The following LCT variants were observed in gnomAD, a reference collection of about 807,000 sequenced individuals.
LCT encodes the protein lactase/phlorizin hydrolase.
Under a neutral mutation model 173.0 loss-of-function variants are expected in LCT, and 90 were observed. The ratio of observed to expected loss-of-function variants is 0.52; its 90% CI spans 0.44 to 0.62. The LOEUF (loss-of-function observed/expected upper bound fraction) is 0.62, where lower values mean the gene tolerates loss of function less well. Ranked by LOEUF, LCT falls within the 20% of genes least tolerant of loss-of-function variation. LCT has a pLI of 0.00. For missense variants in LCT, 1,864 were observed against 2,431.4 expected, an observed-to-expected ratio of 0.77 and a Z score of 4.91; for synonymous variants, 853 against 957.6, an observed-to-expected ratio of 0.89 and a Z score of 2.02.
At chr2:135,829,830 AGTGTGTGT>A (rs60681905) in intron 2 of LCT, among the ~76,000 whole-genome samples, 154 bp from the exon 3 acceptor site, 3 of 146,604 alleles carry the variant, frequency 2.0e-5, no homozygotes, top group African/African-American at 7.6e-5. Context: ...GGAATGAGAA[AGTGTGTGT>A]GTGTGTGTGT....
At chr2:135,792,574 G>T (rs909634597) in intron 14 of LCT, among the ~76,000 whole-genome samples, 3 of 152,164 alleles carry the variant, frequency 2.0e-5, no homozygotes, top group African/African-American at 4.8e-5. Flanking sequence ...AGTGAGACTG[G>T]CCTTGCTGGC....
chr2:135,804,062 T>A lies in LCT; in HGVS notation c.4531A>T (p.Ile1511Phe). The A allele has an allele frequency of 6.2e-7, 1 of 1,614,172 alleles. No homozygotes were observed. The highest frequency in any genetic ancestry group is 8.5e-7 in the Non-Finnish European group (1 of 1,180,018). ...QDVGGWENET[I>F]VQRFKEYADV... ...GCATACTCCTTAAACCGCTGCACGA[T>A]GGTCTCATTCTCCCAGCCTCCTACA... The change falls in exon 11 of 17, where the codon ATC becomes TTC. Residue 1511 changes from isoleucine to phenylalanine, a missense_variant. By Grantham distance (21) the Ile-to-Phe change is conservative. Around this residue, in one of 4 missense-constraint regions of LCT, gnomAD observed 514 missense variants for 750.1 expected, o/e 0.69. Transcript: ENST00000264162.
chr2:135,811,473 G>C (rs1298710214), intron 7 of LCT, among the ~76,000 whole-genome samples: 1 of 152,124 alleles, frequency 6.6e-6, no homozygotes, highest in South Asian at 2.1e-4. Flanking sequence ...TAGTATGTCA[G>C]GTAAGAATGA....
intron 3 of LCT, among the ~76,000 whole-genome samples, chr2:135,825,818 C>T (rs964781624): frequency 6.6e-6 from 1 of 152,194 alleles, no homozygotes; most frequent in Non-Finnish European, 1.5e-5. Context: ...TGCTTTCGCC[C>T]TCTTCCCTCG....
At chr2:135,802,710 G>T (rs2077636501) in intron 11 of LCT, among the ~76,000 whole-genome samples, 1 of 152,212 alleles carries the variant, frequency 6.6e-6, no homozygotes, top group Non-Finnish European at 1.5e-5. Flanking sequence ...AGGATGGGAA[G>T]GGTAGTAGGG....
At position 135,789,776 on chromosome 2, in the gene LCT, A is replaced by C. The variant is rs369667525; in HGVS notation, c.5358T>G (p.Leu1786=). 10 of 1,614,006 alleles carry C rather than the reference A, an allele frequency of 6.2e-6. No homozygotes were observed. The African/African-American group carries it at 1.3e-4, about 22-fold the overall frequency. Residue 1786 remains leucine (L), a synonymous_variant, in exon 16 of 17, where the codon CTT becomes CTG. Coordinates refer to ENST00000264162, the MANE Select transcript of LCT (RefSeq NM_002299.4). ...TCGCACTCCAAACTGTGTATCCTCG[A>C]AGGTCCACCTTGTCCTGCACAGCTG... ...ALKAVQDKVD[L]RGYTVWSAMD...
At chr2:135,834,325 A>G (rs2105559370) in intron 1 of LCT, among the ~76,000 whole-genome samples, 1 of 151,938 alleles carries the variant, frequency 6.6e-6, no homozygotes, top group East Asian at 2.0e-4. Flanking sequence ...AGCTGGGACT[A>G]CAGACACGTG....
At chr2:135,806,902 C>G (rs996700452) in intron 9 of LCT, among the ~76,000 whole-genome samples, 3 of 152,240 alleles carry the variant, frequency 2.0e-5, no homozygotes, top group Non-Finnish European at 4.4e-5. Flanking sequence ...TCTGGCCCTG[C>G]AAGCACCCAT....
Position 135,812,582 on chromosome 2 carries a change from G to C in LCT, c.2082C>G (p.Ala694=). ...AGCTAGGGATGCAGGTGTTTTGTGG[G>C]GCGTTGCTGATGAGGCGGGAGGTGT... The part of the protein sequence containing the change: ...SHYTSRLISN[A]PQNTCIPSYD... The change falls in exon 7 of 17, where the codon GCC becomes GCG. Residue 694 remains alanine (A), a synonymous_variant. Coordinates refer to ENST00000264162, the MANE Select transcript of LCT (RefSeq NM_002299.4). The C allele has an allele frequency of 6.2e-7, 1 of 1,613,302 alleles. No homozygotes were observed. The highest frequency in any genetic ancestry group is 2.2e-5 in the East Asian group (1 of 44,880).
intron 13 of LCT, among the ~76,000 whole-genome samples, chr2:135,795,033 ACG>A (rs150578954): frequency 5.0e-4 from 75 of 148,534 alleles, no homozygotes; most frequent in Non-Finnish European, 8.9e-4. Flanking sequence ...ACACGCACCC[ACG>A]CGCGCGCGCG....
rs1488717004 is a variant in LCT at position 135,821,664 on chromosome 2, A to C, written c.986+356T>G. The C allele has an allele frequency of 5.0e-5, 14 of 282,466 alleles. No individual in the cohort carries two copies. The East Asian group carries it at 1.3e-3, about 26-fold the overall frequency. The allele number at this position is 282,466 out of a possible 1,614,324, so 17.5% of individuals were successfully genotyped here. A position where few individuals can be genotyped will look rare whatever the true frequency, so the allele number is the denominator to read the frequency against. ...CCTGGCTAATTTTTGTATTTTTGTAATTTTTTGTAGAGACAGAGTTTCACC... is the reference window on the plus strand; with the variant it reads ...CCTGGCTAATTTTTGTATTTTTGTACTTTTTTGTAGAGACAGAGTTTCACC... On this transcript the variant is annotated intron_variant, in intron 5 of 16. Transcript: ENST00000264162.
In LCT at chr2:135,836,499, AG is replaced by A. The variant is rs1461171735; in HGVS notation, c.640+30del. 7 of 1,609,352 alleles carry A rather than the reference AG, an allele frequency of 4.3e-6. No individual in the cohort carries two copies. The Admixed American group carries it at 5.0e-5, about 11-fold the overall frequency. On this transcript the variant is annotated intron_variant, in intron 1 of 16. Coordinates refer to ENST00000264162, the MANE Select transcript of LCT (RefSeq NM_002299.4). ...GGAAGGTGTGTGATGAAGGTTGCCG[AG>A]GGGTCACCATCAGGTCAATGTGTAC... is the stretch of plus-strand genomic sequence containing the variant.
At position 135,808,846 on chromosome 2, in the gene LCT, G is replaced by A. The variant is rs1180000231; in HGVS notation, c.3501C>T (p.Thr1167=). ...TCCTGTTCCCCACTTTCCACTTCATGGTGTCAGGATAGTCTCCGTTTCTAA... is the reference window on the plus strand; with the variant it reads ...TCCTGTTCCCCACTTTCCACTTCATAGTGTCAGGATAGTCTCCGTTTCTAA... The part of the protein sequence containing the change: ...PIFRNGDYPD[T]MKWKVGNRSE... Residue 1167 remains threonine, a synonymous_variant, in exon 8 of 17, where the codon ACC becomes ACT. Transcript: ENST00000264162. 6 of 1,614,064 alleles carry A rather than the reference G, an allele frequency of 3.7e-6. No homozygotes were observed. In the Admixed American group the frequency reaches 6.7e-5, roughly 18 times the overall value.
At chr2:135,789,543 TTTA>T in intron 16 of LCT, 25 bp downstream of exon 16, 1 of 1,561,840 alleles carries the variant, frequency 6.4e-7, no homozygotes, top group South Asian at 1.1e-5. Flanking sequence ...ACCCTTAGGC[TTTA>T]TTCCCTCCCA....
rs150216299 is a variant in LCT, at chr2:135,819,263, A to T, written c.987-1202T>A. 9.5e-4 allele frequency among the ~76,000 whole-genome samples: 144 copies of T among 152,284 alleles called. 1 individual carries two copies. The highest frequency in any genetic ancestry group is 3.2e-3 in the African/African-American group (134 of 41,562). ...AAATGTGGTCTGATTTTTCTATTTTATTCTAGTCCATTTTCCTCCCTCCCA... is the reference window on the plus strand; with the variant it reads ...AAATGTGGTCTGATTTTTCTATTTTTTTCTAGTCCATTTTCCTCCCTCCCA... On this transcript the variant is annotated intron_variant, in intron 5 of 16. Coordinates refer to ENST00000264162, the MANE Select transcript of LCT (RefSeq NM_002299.4).
At chr2:135,822,137 C>A in intron 4 of LCT, 39 bp from the exon 5 acceptor site, 1 of 1,141,820 alleles carries the variant, frequency 8.8e-7, no homozygotes, top group South Asian at 1.2e-5. Context: ...ATGTAAATGC[C>A]AACTAAGAAC....
Position 135,804,726 on chromosome 2 carries a change from G to C in LCT, c.4464+41C>G, listed in dbSNP as rs373744749. The C allele has an allele frequency of 4.4e-6, 7 of 1,588,272 alleles. No homozygotes were observed. The South Asian group carries it at 7.7e-5, about 18-fold the overall frequency. On this transcript the variant is annotated intron_variant, in intron 10 of 16. Coordinates refer to ENST00000264162, the MANE Select transcript of LCT (RefSeq NM_002299.4). The stretch of plus-strand genomic sequence containing the variant: ...TGCTCCCCCAGCCCTGCTGGTTCCT[G>C]CATGTGGACTTTCCCAAGGCCTTGC...
chr2:135,808,588 C>T lies in LCT; in HGVS notation c.3759G>A (p.Thr1253=), dbSNP rs764860323. 32 of 1,614,108 alleles carry T rather than the reference C, an allele frequency of 2.0e-5. No homozygotes were observed. The highest frequency in any genetic ancestry group is 4.5e-5 in the East Asian group (2 of 44,892). Reference sequence around the variant, plus strand: ...CCTTGATCCAGTTCAGCAGCCTTCGCGTCCCCCAGGGCGCAGCTCTGTTCA... The same window carrying T: ...CCTTGATCCAGTTCAGCAGCCTTCGTGTCCCCCAGGGCGCAGCTCTGTTCA... ...TAMNRAAPWG[T]RRLLNWIKEE... The change falls in exon 8 of 17, where the codon ACG becomes ACA. Residue 1253 remains threonine, a synonymous_variant. Coordinates refer to ENST00000264162, the MANE Select transcript of LCT (RefSeq NM_002299.4).
chr2:135,826,280 G>A (rs563872556), intron 3 of LCT, among the ~76,000 whole-genome samples: 1 of 152,188 alleles, frequency 6.6e-6, no homozygotes, highest in African/African-American at 2.4e-5. Context: ...GTAGCCAGGT[G>A]CAGTGGCTCA....
Sources: allele counts gnomAD v4.1 joint callset (sites outside exome capture counted in the v4.1 genomes callset), GRCh38; gene constraint gnomAD v4.1.1; regional missense constraint gnomAD v4.1.1; transcripts MANE v1.5; gene names NCBI Gene and HGNC (gene_info 2026-07-23, HGNC 2026-07-21).